Variants in WWOX observed in about 807,000 individuals in gnomAD.
The protein encoded by WWOX is WW domain containing oxidoreductase, also known as WW domain-containing oxidoreductase.
A neutral mutation model predicts 46.2 loss-of-function variants in WWOX; 69 were observed. The observed-to-expected ratio is 1.49, with a 90% CI of 1.23 to 1.82. The LOEUF is 1.82. Ranked by LOEUF, WWOX falls within the 40% of genes most tolerant of loss-of-function variation. WWOX has a pLI of 0.00. For synonymous variants in WWOX, 359 were observed against 202.6 expected, an observed-to-expected ratio of 1.77 and a Z score of -6.56; for missense variants, 919 against 542.6, an observed-to-expected ratio of 1.69 and a Z score of -6.89.
chr16:79,001,983 C>T (rs894687734), intron 8 of WWOX, among the ~76,000 whole-genome samples: 2 of 151,976 alleles, frequency 1.3e-5, no homozygotes, highest in Non-Finnish European at 2.9e-5. Context: ...AAATCAGGGG[C>T]AGAGGACAGA....
intron 8 of WWOX, among the ~76,000 whole-genome samples, chr16:78,587,739 G>C (rs189816371): frequency 6.6e-5 from 10 of 152,172 alleles, no homozygotes; most frequent in African/African-American, 1.9e-4. Context: ...TGTGGAGCTG[G>C]ATATAGACAT....
intron 5 of WWOX, among the ~76,000 whole-genome samples, chr16:78,202,175 C>G (rs918546019): frequency 1.3e-5 from 2 of 152,162 alleles, no homozygotes; most frequent in African/African-American, 4.8e-5. Context: ...CTAGTTGATT[C>G]CAGACCAGTA....
At chr16:79,051,135 A>T (rs565999126) in intron 8 of WWOX, among the ~76,000 whole-genome samples, 2 of 152,186 alleles carry the variant, frequency 1.3e-5, no homozygotes, top group South Asian at 2.1e-4. Context: ...GGGTTGTTTC[A>T]TGCTGATCAG....
chr16:79,007,521 A>G (rs529163266), intron 8 of WWOX, among the ~76,000 whole-genome samples: 1 of 152,366 alleles, frequency 6.6e-6, no homozygotes, highest in Admixed American at 6.5e-5. Flanking sequence ...CTTGTAGGGC[A>G]AGCTGGATAA....
At chr16:78,813,338 A>G (rs2051244190) in intron 8 of WWOX, among the ~76,000 whole-genome samples, 1 of 152,056 alleles carries the variant, frequency 6.6e-6, no homozygotes, top group Non-Finnish European at 1.5e-5. Context: ...ACACTCAGAA[A>G]TTTAAGTCCA....
chr16:78,594,440 C>A lies in WWOX; in HGVS notation c.1056+161688C>A, dbSNP rs1380413071. Among the ~76,000 whole-genome samples, 25 of 79,974 alleles carry A rather than the reference C, an allele frequency of 3.1e-4. 5 individuals are homozygous for A. Among genetic ancestry groups the A allele is most frequent in the African/African-American group, 1.2e-3 (24 of 19,910 alleles). 52.5% of individuals were successfully genotyped at this position (79,974 alleles called of 152,430 possible). On this transcript the variant is annotated intron_variant, in intron 8 of 8. Coordinates refer to ENST00000566780, the MANE Select transcript of WWOX (RefSeq NM_016373.4). The stretch of plus-strand genomic sequence containing the variant: ...AAGACTGAGGAAAGGCCCCCCCCCC[C>A]CCCCCGCCAAATTGTCCCGTTGTCT...
At chr16:78,116,899 CCATGTGA>C (rs1292399771) in intron 4 of WWOX, among the ~76,000 whole-genome samples, 1 of 152,170 alleles carries the variant, frequency 6.6e-6, no homozygotes, top group East Asian at 1.9e-4. Context: ...TCGAACTGCT[CCATGTGA>C]CATTAGATAG....
chr16:78,662,073 A>AGTG (rs200640879), intron 8 of WWOX, among the ~76,000 whole-genome samples: 103 of 149,872 alleles, frequency 6.9e-4, no homozygotes, highest in Middle Eastern at 3.4e-3. Context: ...TAGTAGTAGT[A>AGTG]GTGGTGGTGG....
chr16:78,833,242 T>C (rs1165036540), intron 8 of WWOX, among the ~76,000 whole-genome samples: 1 of 152,090 alleles, frequency 6.6e-6, no homozygotes, highest in African/African-American at 2.4e-5. Context: ...TGGGGCTTGC[T>C]TGCTTTTTTC....
chr16:78,867,821 A>G (rs1007409822), intron 8 of WWOX, among the ~76,000 whole-genome samples: 1 of 152,142 alleles, frequency 6.6e-6, no homozygotes, highest in African/African-American at 2.4e-5. Flanking sequence ...GCCACTGTAA[A>G]ATGAATTCTA....
chr16:78,793,460 T>C (rs1465511739), intron 8 of WWOX, among the ~76,000 whole-genome samples: 2 of 152,198 alleles, frequency 1.3e-5, no homozygotes, highest in Non-Finnish European at 2.9e-5. Context: ...TTTCCTCATT[T>C]TTTATCCAGT....
intron 5 of WWOX, among the ~76,000 whole-genome samples, chr16:78,318,802 CACTT>C (rs1329638458): frequency 2.6e-5 from 4 of 152,148 alleles, no homozygotes; most frequent in Non-Finnish European, 5.9e-5. Flanking sequence ...GATTTTTACT[CACTT>C]TTCTACAAGC....
At chr16:78,900,646 G>C (rs766007125) in intron 8 of WWOX, among the ~76,000 whole-genome samples, 1 of 152,004 alleles carries the variant, frequency 6.6e-6, no homozygotes, top group Non-Finnish European at 1.5e-5. Flanking sequence ...TTTCCTCTTT[G>C]GTTGCTTTGT....
At chr16:78,463,565 A>G (rs79221294) in intron 8 of WWOX, among the ~76,000 whole-genome samples, 2,667 of 152,278 alleles carry the variant, frequency 0.018, 93 homozygotes, top group African/African-American at 0.061. Context: ...ATCAGGATGC[A>G]TAGTAGAGAA....
chr16:78,918,257 T>C (rs1597149219), intron 8 of WWOX, among the ~76,000 whole-genome samples: 1 of 152,190 alleles, frequency 6.6e-6, no homozygotes, highest in South Asian at 2.1e-4. Flanking sequence ...TTTTAAAAAA[T>C]AAAACATAAG....
At chr16:78,692,779 G>C (rs750760953) in intron 8 of WWOX, among the ~76,000 whole-genome samples, 2 of 152,164 alleles carry the variant, frequency 1.3e-5, no homozygotes, top group African/African-American at 2.4e-5. Context: ...TCCCTGTTGG[G>C]GGTACTGATA....
intron 8 of WWOX, among the ~76,000 whole-genome samples, chr16:78,439,429 A>G (rs1452230405): frequency 6.6e-6 from 1 of 152,178 alleles, no homozygotes; most frequent in Admixed American, 6.5e-5. Context: ...TCTTGCAGGA[A>G]GAAACATACT....
chr16:78,961,113 G>T (rs2046262984), intron 8 of WWOX, among the ~76,000 whole-genome samples: 1 of 152,120 alleles, frequency 6.6e-6, no homozygotes, highest in African/African-American at 2.4e-5. Flanking sequence ...TCCCCTGAAA[G>T]AAAGACTCAA....
intron 8 of WWOX, among the ~76,000 whole-genome samples, chr16:79,155,363 A>G (rs1027772036): frequency 1.6e-4 from 24 of 152,142 alleles, no homozygotes; most frequent in Non-Finnish European, 2.2e-4. Context: ...CGACAGAGGG[A>G]GACTCTGTTT....
Sources: allele counts gnomAD v4.1 joint callset (sites outside exome capture counted in the v4.1 genomes callset), GRCh38; gene constraint gnomAD v4.1.1; transcripts MANE v1.5; gene names NCBI Gene and HGNC (gene_info 2026-07-23, HGNC 2026-07-21).